The following GPAM variants were observed in gnomAD, a reference collection of about 807,000 sequenced individuals.
GPAM encodes glycerol-3-phosphate acyltransferase 1, mitochondrial.
In GPAM, 56 loss-of-function variants were observed where a neutral mutation model predicts 105.0. The ratio of observed to expected loss-of-function variants is 0.53; its 90% CI spans 0.43 to 0.67. GPAM has a LOEUF of 0.67. Ranked by LOEUF, GPAM falls within the 30% of genes least tolerant of loss-of-function variation. GPAM has a pLI of 0.00. For missense variants in GPAM, 855 were observed against 989.8 expected, an observed-to-expected ratio of 0.86 and a Z score of 1.83; for synonymous variants, 368 against 354.4, an observed-to-expected ratio of 1.04 and a Z score of -0.43.
At chr10:112,172,873 A>G (rs1847336476) in intron 8 of GPAM, 97 bp downstream of exon 8, 2 of 772,218 alleles carry the variant, frequency 2.6e-6, no homozygotes, top group Non-Finnish European at 2.4e-6. Flanking sequence ...ATGGGTTGAA[A>G]TACATCACAG....
chr10:112,152,365 T>G lies in GPAM; in HGVS notation c.*1185A>C, dbSNP rs542239176. The G allele has an allele frequency of 2.0e-6, 2 of 984,592 alleles. No homozygotes were observed. The highest frequency in any genetic ancestry group is 3.5e-5 in the African/African-American group (2 of 57,248). The allele number at this position is 984,592 out of a possible 1,614,324, so 61.0% of individuals were successfully genotyped here. On this transcript the variant is annotated 3_prime_UTR_variant, in exon 22 of 22. Coordinates refer to ENST00000348367, the MANE Select transcript of GPAM (RefSeq NM_001244949.2). ...CATTTTTCATAATTATTTACCACTA[T>G]GTGGCATAAGGGTTTAGGCATATAA...
chr10:112,185,928 T>C (rs1164215414), upstream of GPAM, among the ~76,000 whole-genome samples: 1 of 151,800 alleles, frequency 6.6e-6, no homozygotes, highest in African/African-American at 2.4e-5. Context: ...AAATGAGAAA[T>C]ATGAGGTGAG....
exon 1 of GPAM, chr10:112,215,270 A>G (rs1241674869): frequency 6.6e-6 from 1 of 152,250 alleles, no homozygotes; most frequent in African/African-American, 2.4e-5. Flanking sequence ...GTGGGTGAAT[A>G]AGCAAGGTCT....
At chr10:112,189,522 G>A (rs752709922) in intron 1 of GPAM, among the ~76,000 whole-genome samples, 4 of 152,144 alleles carry the variant, frequency 2.6e-5, no homozygotes, top group African/African-American at 2.4e-5. Flanking sequence ...TGTTCAAGAC[G>A]TATTTCTACT....
At chr10:112,215,307 G>T (rs1156747476) in exon 1 of GPAM, 3 of 152,234 alleles carry the variant, frequency 2.0e-5, no homozygotes, top group Non-Finnish European at 4.4e-5. Flanking sequence ...TGTTTGCACG[G>T]CCAGAGGCTG....
At chr10:112,200,352 A>G (rs1284149053) in intron 1 of GPAM, among the ~76,000 whole-genome samples, 1 of 151,594 alleles carries the variant, frequency 6.6e-6, no homozygotes, top group East Asian at 1.9e-4. Context: ...CAGTGGCACA[A>G]TCTTGGCTCA....
intron 6 of GPAM, 47 bp downstream of exon 6, chr10:112,175,553 C>T (rs777886406): frequency 2.1e-5 from 20 of 947,080 alleles, no homozygotes; most frequent in African/African-American, 1.8e-4. Flanking sequence ...CCACTCCTAC[C>T]GCCCATCCCT....
chr10:112,215,687 C>T (rs921496336), upstream of GPAM, among the ~76,000 whole-genome samples: 8 of 144,654 alleles, frequency 5.5e-5, no homozygotes, highest in Admixed American at 1.4e-4. Flanking sequence ...CGTCAGGCTC[C>T]GGGCCTGGCT....
At chr10:112,176,165 T>C (rs745578339) in intron 5 of GPAM, among the ~76,000 whole-genome samples, 3 of 152,236 alleles carry the variant, frequency 2.0e-5, no homozygotes, top group Non-Finnish European at 4.4e-5. Context: ...AGTTTTTGTT[T>C]GTTTTTTCCT....
intron 5 of GPAM, among the ~76,000 whole-genome samples, 169 bp downstream of exon 5, chr10:112,177,815 C>A (rs1282711918): frequency 1.3e-5 from 2 of 152,168 alleles, no homozygotes; most frequent in Non-Finnish European, 2.9e-5. Flanking sequence ...AGTAATAGTT[C>A]TCTCTGTGGC....
chr10:112,152,013 C>G lies in GPAM; in HGVS notation c.*1537G>C. The stretch of plus-strand genomic sequence containing the variant: ...TAGCATTATTGCTATGAGTTTCAAA[C>G]ATGGTATTTCATACAATGTGAAATA... On this transcript the variant is annotated 3_prime_UTR_variant, in exon 22 of 22. Coordinates refer to ENST00000348367, the MANE Select transcript of GPAM (RefSeq NM_001244949.2). 1.0e-6 allele frequency: 1 copy of G among 976,202 alleles called. No homozygotes were observed. Among genetic ancestry groups the G allele is most frequent in the Non-Finnish European group, 1.2e-6 (1 of 821,522 alleles). The allele number at this position is 976,202 out of a possible 1,614,324, so 60.5% of individuals were successfully genotyped here.
At chr10:112,217,957 T>A (rs909880493), upstream of GPAM, among the ~76,000 whole-genome samples, 1 of 152,244 alleles carries the variant, frequency 6.6e-6, no homozygotes, top group East Asian at 1.9e-4. Flanking sequence ...TCATTGTTTA[T>A]GGAGAAAATG....
chr10:112,222,634 A>C, the GPAM span, among the ~76,000 whole-genome samples: 1 of 152,180 alleles, frequency 6.6e-6, no homozygotes, highest in Non-Finnish European at 1.5e-5. Flanking sequence ...CCCTCTTTGA[A>C]GCATGGCACA....
intron 12 of GPAM, 78 bp downstream of exon 12, chr10:112,166,324 T>C: frequency 1.2e-6 from 1 of 800,654 alleles, no homozygotes; most frequent in Non-Finnish European, 2.3e-6. Flanking sequence ...CACAGAGAGG[T>C]GCTGTTAAGA....
chr10:112,183,013 A>G (rs1847535751), intron 1 of GPAM, 122 bp from the exon 2 acceptor site: 1 of 152,330 alleles, frequency 6.6e-6, no homozygotes, highest in South Asian at 2.1e-4. Flanking sequence ...GGAGTAATAA[A>G]GAAGCAATAT....
At chr10:112,219,766 A>G (rs1848002107), upstream of GPAM, among the ~76,000 whole-genome samples, 1 of 152,208 alleles carries the variant, frequency 6.6e-6, no homozygotes, top group Non-Finnish European at 1.5e-5. Context: ...AGTCGAAGAG[A>G]TCTGATCTAA....
Position 112,173,688 on chromosome 10 carries a change from C to A in GPAM, c.560+11G>T. 6.2e-7 allele frequency: 1 copy of A among 1,613,294 alleles called. No homozygotes were observed. The highest frequency in any genetic ancestry group is 1.3e-5 in the African/African-American group (1 of 75,036). ...CTGTGATTGAAAGCTTTCTGCCTTG[C>A]CTTTTAATACCTGATCATTGCCGGT... On this transcript the variant is annotated intron_variant, in intron 7 of 21. Coordinates refer to ENST00000348367, the MANE Select transcript of GPAM (RefSeq NM_001244949.2).
Position 112,151,317 on chromosome 10 carries a change from G to A in GPAM, c.*2233C>T. On this transcript the variant is annotated 3_prime_UTR_variant, in exon 22 of 22. Transcript: ENST00000348367. ...TATCTGGAAGCTTCATTGTGAAGAT[G>A]CTTTCGTTTTTTTGTTTTTTGTTTT... 1 of 983,812 alleles carries A rather than the reference G, an allele frequency of 1.0e-6. No individual in the cohort carries two copies. The highest frequency in any genetic ancestry group is 1.2e-6 in the Non-Finnish European group (1 of 829,106). 60.9% of individuals were successfully genotyped at this position (983,812 alleles called of 1,614,324 possible).
At chr10:112,175,871 G>A (rs1589593910) in intron 5 of GPAM, among the ~76,000 whole-genome samples, 158 bp from the exon 6 acceptor site, 2 of 152,280 alleles carry the variant, frequency 1.3e-5, no homozygotes, top group East Asian at 3.9e-4. Context: ...AGTTCAGAAT[G>A]TTGTGCAGCC....
Sources: gnomAD v4.1 joint callset for allele counts (sites outside exome capture counted in the v4.1 genomes callset) on GRCh38, gnomAD v4.1.1 for gene constraint, MANE v1.5 for transcripts, NCBI Gene and HGNC (gene_info 2026-07-23, HGNC 2026-07-21) for gene names.